The following KCNK1 variants were observed in gnomAD, a reference collection of about 807,000 sequenced individuals.
The protein encoded by KCNK1 is potassium channel subfamily K member 1.
Under a neutral mutation model 22.2 loss-of-function variants are expected in KCNK1, and 10 were observed. The ratio of observed to expected loss-of-function variants is 0.45; its 90% CI spans 0.28 to 0.76. The LOEUF is 0.76. Ranked by LOEUF, KCNK1 falls within the 30% of genes least tolerant of loss-of-function variation. The pLI is 0.14. For synonymous variants in KCNK1, 200 were observed against 186.4 expected (o/e 1.07, Z -0.60); for missense variants, 378 against 421.0 (o/e 0.90, Z 0.89).
intron 1 of KCNK1, among the ~76,000 whole-genome samples, chr1:233,657,340 G>A (rs1164598985): frequency 6.6e-6 from 1 of 152,142 alleles, no homozygotes; most frequent in African/African-American, 2.4e-5. Context: ...TTGGAATTGG[G>A]GGAAAGCTGT....
intron 1 of KCNK1, among the ~76,000 whole-genome samples, chr1:233,660,135 A>G (rs1278910362): frequency 5.3e-5 from 8 of 152,360 alleles, no homozygotes; most frequent in Middle Eastern, 6.8e-3. Context: ...TTTTACAATG[A>G]AAATATACTT....
rs369234438 is a variant in KCNK1, at chr1:233,671,496, C to T, written c.977C>T (p.Ser326Leu). ...KQNEPFVATQ[S>L]SACVDGPANH ...AATGAGCCTTTTGTGGCCACCCAGT[C>T]ATCTGCCTGCGTGGATGGCCCTGCA... The change falls in exon 3 of 3, where the codon TCA becomes TTA. Residue 326 changes from serine (S) to leucine (L), a missense_variant. Transcript: ENST00000366621. 25 of 1,614,022 alleles carry T rather than the reference C, an allele frequency of 1.5e-5. No individual in the cohort carries two copies. Among genetic ancestry groups the T allele is most frequent in the Non-Finnish European group, 2.1e-5 (25 of 1,180,032 alleles).
At chr1:233,663,275 A>G (rs757579191) in intron 1 of KCNK1, among the ~76,000 whole-genome samples, 3 of 152,190 alleles carry the variant, frequency 2.0e-5, no homozygotes, top group African/African-American at 4.8e-5. Flanking sequence ...CGTGGTGGTG[A>G]TTTTTAATCT....
chr1:233,666,638 C>G lies in KCNK1; in HGVS notation c.399C>G (p.Phe133Leu), dbSNP rs893133331. Residue 133 changes from phenylalanine to leucine, a missense_variant, in exon 2 of 3, where the codon TTC becomes TTG. Coordinates refer to ENST00000366621, the MANE Select transcript of KCNK1 (RefSeq NM_002245.4). ...TVPLSDGGKA[F>L]CIIYSVIGIP... ...CCTTGTCAGATGGAGGTAAGGCCTT[C>G]TGCATCATCTACTCCGTCATTGGCA... is the stretch of plus-strand genomic sequence containing the variant. The G allele has an allele frequency of 6.2e-7, 1 of 1,613,700 alleles. No individual in the cohort carries two copies. The highest frequency in any genetic ancestry group is 8.5e-7 in the Non-Finnish European group (1 of 1,179,858).
chr1:233,647,256 G>A lies in KCNK1; in HGVS notation c.356-19339G>A, dbSNP rs541634125. Among the ~76,000 whole-genome samples, 4 of 152,254 alleles carry A rather than the reference G, an allele frequency of 2.6e-5. No individual in the cohort carries two copies. In the East Asian group the frequency reaches 5.8e-4, roughly 22 times the overall value. ...TCCTGGGTATGTGTGATGGTTTAGC[G>A]TTGCTAGCCATTCATCTTGAGGGAG... On this transcript the variant is annotated intron_variant, in intron 1 of 2. Transcript: ENST00000366621.
intron 1 of KCNK1, among the ~76,000 whole-genome samples, chr1:233,639,261 T>G (rs931213323): frequency 2.6e-5 from 4 of 152,248 alleles, no homozygotes; most frequent in Admixed American, 6.5e-5. Context: ...GTTTTGCATT[T>G]TTAAATGTTC....
chr1:233,630,246 C>T (rs938265279), intron 1 of KCNK1, among the ~76,000 whole-genome samples: 1 of 152,176 alleles, frequency 6.6e-6, no homozygotes, highest in South Asian at 2.1e-4. Context: ...TTGCTGCAAT[C>T]GTGTTTATAC....
Position 233,633,838 on chromosome 1 carries a change from A to ATTC in KCNK1, c.355+19312_355+19313insTTC, listed in dbSNP as rs1475936023. ...CGTTAATGGTAGGTGTTAGGGGAAA[A>ATTC]CCCTAACATTAGCCTCTAGCATGAG... On this transcript the variant is annotated intron_variant, in intron 1 of 2. Transcript: ENST00000366621. Among the ~76,000 whole-genome samples, 7 of 152,114 alleles carry ATTC rather than the reference A, an allele frequency of 4.6e-5. No individual in the cohort carries two copies. The South Asian group carries it at 6.2e-4, about 14-fold the overall frequency.
intron 1 of KCNK1, chr1:233,630,495 A>G (rs1444922613): frequency 6.6e-6 from 1 of 152,074 alleles, no homozygotes; most frequent in Non-Finnish European, 1.5e-5. Context: ...TAATATTTTC[A>G]TTTTTGCTCT....
chr1:233,622,959 T>C (rs908606150), intron 1 of KCNK1, among the ~76,000 whole-genome samples: 1 of 152,148 alleles, frequency 6.6e-6, no homozygotes, highest in African/African-American at 2.4e-5. Context: ...CTGCTGCCTC[T>C]GAGACTCAGT....
At chr1:233,644,065 T>A (rs1658048399) in intron 1 of KCNK1, among the ~76,000 whole-genome samples, 1 of 152,126 alleles carries the variant, frequency 6.6e-6, no homozygotes, top group African/African-American at 2.4e-5. Context: ...AAAACAGAAA[T>A]TTATTTCTCA....
chr1:233,638,304 G>C (rs1257647176), intron 1 of KCNK1, among the ~76,000 whole-genome samples: 4 of 150,830 alleles, frequency 2.7e-5, no homozygotes, highest in African/African-American at 9.8e-5. Flanking sequence ...GTTTTATCAG[G>C]AAAAAAATAA....
Position 233,614,159 on chromosome 1 carries a change from G to GGCT in KCNK1, c.-11_-10insTGC. The GGCT allele has an allele frequency of 6.3e-7, 1 of 1,581,728 alleles. No homozygotes were observed. Among genetic ancestry groups the GGCT allele is most frequent in the Non-Finnish European group, 8.6e-7 (1 of 1,169,374 alleles). On this transcript the variant is annotated 5_prime_UTR_variant, in exon 1 of 3. Coordinates refer to ENST00000366621, the MANE Select transcript of KCNK1 (RefSeq NM_002245.4). ...GGTCTGCGGCGTTGGCCTTGGCGGCGGCGGTGGAGAAGATGCTGCAGTCCC... is the reference window on the plus strand; with the variant it reads ...GGTCTGCGGCGTTGGCCTTGGCGGCGGCTGCGGTGGAGAAGATGCTGCAGTCCC...
At chr1:233,614,682 C>A (rs889903951) in intron 1 of KCNK1, among the ~76,000 whole-genome samples, 156 bp downstream of exon 1, 1 of 151,406 alleles carries the variant, frequency 6.6e-6, no homozygotes, top group African/African-American at 2.4e-5. Context: ...ACTGTCCTCC[C>A]GACCCTCCGA....
At position 233,614,490 on chromosome 1, in the gene KCNK1, G is replaced by C; in HGVS notation, c.319G>C (p.Ala107Pro). 6.2e-7 allele frequency: 1 copy of C among 1,610,786 alleles called. No homozygotes were observed. Among genetic ancestry groups the C allele is most frequent in the East Asian group, 2.2e-5 (1 of 44,706 alleles). The change falls in exon 1 of 3, where the codon GCG (alanine) becomes CCG (proline). Residue 107 changes from alanine to proline, a missense_variant. By Grantham distance (27) the Ala-to-Pro change is conservative. Coordinates refer to ENST00000366621, the MANE Select transcript of KCNK1 (RefSeq NM_002245.4). Reference sequence around the variant, plus strand: ...CAACTGGAACTGGGACTTCACCTCCGCGCTCTTCTTCGCCAGCACCGTGCT... The same window carrying C: ...CAACTGGAACTGGGACTTCACCTCCCCGCTCTTCTTCGCCAGCACCGTGCT... ...SGNWNWDFTSALFFASTVLST... is the reference protein window; with the variant it reads ...SGNWNWDFTSPLFFASTVLST...
intron 1 of KCNK1, among the ~76,000 whole-genome samples, chr1:233,648,288 G>A (rs1658132655): frequency 6.6e-6 from 1 of 152,074 alleles, no homozygotes; most frequent in African/African-American, 2.4e-5. Context: ...TTTCCAAGCC[G>A]CAACTTTTTA....
In KCNK1 at chr1:233,614,125, G is replaced by C. The variant is rs1443665885; in HGVS notation, c.-47G>C. On this transcript the variant is annotated 5_prime_UTR_variant, in exon 1 of 3. Coordinates refer to ENST00000366621, the MANE Select transcript of KCNK1 (RefSeq NM_002245.4). ...GGGGCCAGAAGAGGCGGCGGGCCGC[G>C]CTCCGGCCGGTCTGCGGCGTTGGCC... The C allele has an allele frequency of 7.6e-7, 1 of 1,309,632 alleles. No individual in the cohort carries two copies. Among genetic ancestry groups the C allele is most frequent in the Non-Finnish European group, 9.9e-7 (1 of 1,008,812 alleles). 81.1% of individuals were successfully genotyped at this position (1,309,632 alleles called of 1,614,324 possible). A position where few individuals can be genotyped will look rare whatever the true frequency, so the allele number is the denominator to read the frequency against.
intron 1 of KCNK1, among the ~76,000 whole-genome samples, chr1:233,620,096 C>T (rs575946502): frequency 6.8e-4 from 103 of 152,274 alleles, no homozygotes; most frequent in African/African-American, 2.3e-3. Flanking sequence ...TTTTCTGACA[C>T]AGTCAAGTTT....
intron 1 of KCNK1, among the ~76,000 whole-genome samples, chr1:233,650,662 T>G (rs551751425): frequency 2.4e-4 from 37 of 152,298 alleles, no homozygotes; most frequent in African/African-American, 8.9e-4. Context: ...GAAATAGTCT[T>G]CACATTTGAC....
Sources: allele counts gnomAD v4.1 joint callset (sites outside exome capture counted in the v4.1 genomes callset), GRCh38; gene constraint gnomAD v4.1.1; transcripts MANE v1.5; gene names NCBI Gene and HGNC (gene_info 2026-07-23, HGNC 2026-07-21).